The following KDM8 variants were observed in gnomAD, a reference collection of about 807,000 sequenced individuals.
KDM8 encodes lysine demethylase 8, also known as bifunctional peptidase and arginyl-hydroxylase JMJD5.
KDM8 carries 35 observed loss-of-function variants against 46.9 expected under a neutral mutation model. That is an observed-to-expected ratio of 0.75 (90% CI 0.57 to 0.99). The LOEUF (loss-of-function observed/expected upper bound fraction) is 0.99. KDM8 is among the 50% of genes least tolerant of loss of function. The pLI is 0.00. For synonymous variants in KDM8, 232 were observed against 227.7 expected, an observed-to-expected ratio of 1.02 and a Z score of -0.17; for missense variants, 475 against 537.0, an observed-to-expected ratio of 0.88 and a Z score of 1.14.
In KDM8 at chr16:27,213,608, G is replaced by A. The variant is rs372907576; in HGVS notation, c.522G>A (p.Leu174=). The A allele has an allele frequency of 6.1e-5, 99 of 1,614,002 alleles. No homozygotes were observed. Among genetic ancestry groups the A allele is most frequent in the Middle Eastern group, 1.6e-4 (1 of 6,084 alleles). Reference sequence around the variant, plus strand: ...AGAAAGCAAGGGCGGACCATGGTTTGATTCCAGATGTGAAGTTAGAAAAAA... The same window carrying A: ...AGAAAGCAAGGGCGGACCATGGTTTAATTCCAGATGTGAAGTTAGAAAAAA... ...CTKKARADHG[L]IPDVKLEKTV... Residue 174 remains leucine (L), a synonymous_variant, in exon 3 of 8, where the codon TTG becomes TTA. Transcript: ENST00000286096.
At chr16:27,218,196 C>T (rs372150210) in intron 5 of KDM8, among the ~76,000 whole-genome samples, 1 of 151,974 alleles carries the variant, frequency 6.6e-6, no homozygotes, top group African/African-American at 2.4e-5. Flanking sequence ...GCAGGAGGAT[C>T]GCTTAAGCTC....
Position 27,220,375 on chromosome 16 carries a change from CA to C in KDM8, c.994-17del. 1 of 1,609,164 alleles carries C rather than the reference CA, an allele frequency of 6.2e-7. No homozygotes were observed. The highest frequency in any genetic ancestry group is 8.5e-7 in the Non-Finnish European group (1 of 1,175,638). On this transcript the variant is annotated splice_polypyrimidine_tract_variant and intron_variant, in intron 6 of 7. Coordinates refer to ENST00000286096, the MANE Select transcript of KDM8 (RefSeq NM_024773.3). The stretch of plus-strand genomic sequence containing the variant: ...TGGAGTGAGGCCACCAGCTGACTGT[CA>C]GGGTCTCTCTCCCCAGGTGATGGGG...
rs1022625885 is a variant in KDM8 at position 27,203,586 on chromosome 16, C to G, written c.-82C>G. ...AGCCGAGTGGTCGGACCAAACGCAA[C>G]GAGTCTTCGCCAGCCCAAAGGCGAC... is the stretch of plus-strand genomic sequence containing the variant. On this transcript the variant is annotated 5_prime_UTR_variant, in exon 1 of 8. Coordinates refer to ENST00000286096, the MANE Select transcript of KDM8 (RefSeq NM_024773.3). 6.5e-6 allele frequency: 1 copy of G among 153,720 alleles called. No individual in the cohort carries two copies. The highest frequency in any genetic ancestry group is 1.9e-4 in the East Asian group (1 of 5,214). The allele number at this position is 153,720 out of a possible 1,614,324, so 9.5% of individuals were successfully genotyped here. A position where few individuals can be genotyped will look rare whatever the true frequency, so the allele number is the denominator to read the frequency against.
chr16:27,213,691 C>T lies in KDM8; in HGVS notation c.605C>T (p.Pro202Leu), dbSNP rs1055341470. The T allele has an allele frequency of 6.2e-7, 1 of 1,614,172 alleles. No homozygotes were observed. Among genetic ancestry groups the T allele is most frequent in the Non-Finnish European group, 8.5e-7 (1 of 1,180,028 alleles). ...LQHFREQFLVPGRPVILKGVA... is the reference protein window; with the variant it reads ...LQHFREQFLVLGRPVILKGVA... The stretch of plus-strand genomic sequence containing the variant: ...CATTTCAGGGAGCAGTTTTTGGTTC[C>T]AGGGAGGCCCGTGATCCTGAAAGGC... Residue 202 changes from proline to leucine, a missense_variant, in exon 3 of 8, where the codon CCA (proline) becomes CTA (leucine). Pro to Leu is a moderately conservative substitution (Grantham distance 98). Transcript: ENST00000286096.
rs2083615085 is a variant in KDM8, at chr16:27,220,831, T to G, written c.*101T>G. On this transcript the variant is annotated 3_prime_UTR_variant, in exon 8 of 8. Transcript: ENST00000286096. ...ATAGAGACAAGCAGGACTGAACCTG[T>G]GTCCTGAAGAGCCTTCACTGCCCAG... The G allele has an allele frequency of 1.4e-6, 2 of 1,408,388 alleles. No homozygotes were observed. Among genetic ancestry groups the G allele is most frequent in the Non-Finnish European group, 2.0e-6 (2 of 997,372 alleles). 87.2% of individuals were successfully genotyped at this position (1,408,388 alleles called of 1,614,324 possible). A position where few individuals can be genotyped will look rare whatever the true frequency, so the allele number is the denominator to read the frequency against.
chr16:27,216,024 G>A (rs374684796), intron 5 of KDM8, 35 bp downstream of exon 5: 99 of 1,611,022 alleles, frequency 6.1e-5, no homozygotes, highest in Middle Eastern at 3.3e-4. Context: ...GCCCCTCACC[G>A]TCTCACCTTC....
intron 2 of KDM8, among the ~76,000 whole-genome samples, chr16:27,212,205 C>T (rs1014222812): frequency 1.3e-5 from 2 of 152,104 alleles, no homozygotes; most frequent in Non-Finnish European, 2.9e-5. Context: ...AACAAATGTG[C>T]AGGAGAATGT....
At position 27,220,493 on chromosome 16, in the gene KDM8, C is replaced by A. The variant is rs1041878234; in HGVS notation, c.1086+8C>A. 7 of 1,613,898 alleles carry A rather than the reference C, an allele frequency of 4.3e-6. No homozygotes were observed. Among genetic ancestry groups the A allele is most frequent in the Admixed American group, 1.7e-5 (1 of 60,000 alleles). On this transcript the variant is annotated splice_region_variant and intron_variant, in intron 7 of 7. Transcript: ENST00000286096. ...CTCCATAACACGAGCCAGGTGGGCA[C>A]TGGGGGTCTGGGGTGACGTTGCAGG...
chr16:27,220,466 T>C lies in KDM8; in HGVS notation c.1067T>C (p.Leu356Pro). ...SGALYPHDTH[L>P]LHNTSQVDVE... ...GCTCTGTACCCTCATGACACGCACCTTCTCCATAACACGAGCCAGGTGGGC... is the reference window on the plus strand; with the variant it reads ...GCTCTGTACCCTCATGACACGCACCCTCTCCATAACACGAGCCAGGTGGGC... Residue 356 changes from leucine (L) to proline (P), a missense_variant, in exon 7 of 8, where the codon CTT (leucine) becomes CCT (proline). Coordinates refer to ENST00000286096, the MANE Select transcript of KDM8 (RefSeq NM_024773.3). The C allele has an allele frequency of 6.2e-7, 1 of 1,614,166 alleles. No homozygotes were observed. Among genetic ancestry groups the C allele is most frequent in the Non-Finnish European group, 8.5e-7 (1 of 1,180,014 alleles).
intron 3 of KDM8, 38 bp from the exon 4 acceptor site, chr16:27,214,838 A>G: frequency 1.2e-6 from 2 of 1,612,788 alleles, no homozygotes; most frequent in Non-Finnish European, 1.7e-6. Flanking sequence ...CCCAACAGAT[A>G]TTAGCAGTGA....
At chr16:27,211,848 T>C (rs2083487870) in intron 2 of KDM8, 1 of 152,082 alleles carries the variant, frequency 6.6e-6, no homozygotes, top group African/African-American at 2.4e-5. Flanking sequence ...CCGGCAATTT[T>C]TGTATTTTTA....
At chr16:27,210,729 C>T (rs562775940) in intron 2 of KDM8, 108 bp downstream of exon 2, 8 of 1,099,610 alleles carry the variant, frequency 7.3e-6, no homozygotes, top group Non-Finnish European at 1.0e-5. Context: ...GCCTGCAACC[C>T]CTCTGGTGGA....
intron 2 of KDM8, chr16:27,211,830 C>G (rs2083487679): frequency 6.6e-6 from 1 of 152,154 alleles, no homozygotes; most frequent in South Asian, 2.1e-4. Context: ...AGGCACCCAC[C>G]ACCACGCCCG....
At chr16:27,217,623 A>C (rs1432842826) in intron 5 of KDM8, among the ~76,000 whole-genome samples, 1 of 152,232 alleles carries the variant, frequency 6.6e-6, no homozygotes, top group Non-Finnish European at 1.5e-5. Flanking sequence ...AGGTCTGAAT[A>C]GCAGTGTCTG....
chr16:27,205,011 G>A (rs527709373), intron 1 of KDM8, among the ~76,000 whole-genome samples: 1 of 152,118 alleles, frequency 6.6e-6, no homozygotes, highest in Non-Finnish European at 1.5e-5. Context: ...GGGTGACAGA[G>A]CGAGACTCCG....
intron 2 of KDM8, among the ~76,000 whole-genome samples, chr16:27,212,053 T>A (rs1785606096): frequency 1.3e-5 from 2 of 151,692 alleles, no homozygotes; most frequent in South Asian, 4.2e-4. Flanking sequence ...GAGAAGAAAA[T>A]TTTTCCACAA....
At chr16:27,216,839 C>T (rs1158728316) in intron 5 of KDM8, among the ~76,000 whole-genome samples, 5 of 151,970 alleles carry the variant, frequency 3.3e-5, no homozygotes, top group South Asian at 4.2e-4. Flanking sequence ...TGTGTGATCC[C>T]GAGACCCACC....
chr16:27,204,077 C>T (rs779252514), intron 1 of KDM8: 1 of 1,547,336 alleles, frequency 6.5e-7, no homozygotes, highest in Middle Eastern at 1.7e-4. Flanking sequence ...AACGATTCCG[C>T]CGTCAGGTCC....
intron 1 of KDM8, among the ~76,000 whole-genome samples, chr16:27,205,452 C>T (rs1270011487): frequency 6.6e-6 from 1 of 152,176 alleles, no homozygotes; most frequent in East Asian, 1.9e-4. Flanking sequence ...CCCCTGAAAG[C>T]TGTTCCAGGT....
Sources: gnomAD v4.1 joint callset for allele counts (sites outside exome capture counted in the v4.1 genomes callset) on GRCh38, gnomAD v4.1.1 for gene constraint, MANE v1.5 for transcripts, NCBI Gene and HGNC (gene_info 2026-07-23, HGNC 2026-07-21) for gene names.